The following DOCK9 variants were observed in gnomAD, a reference collection of about 807,000 sequenced individuals.
DOCK9 encodes the protein dedicator of cytokinesis 9, also known as dedicator of cytokinesis protein 9.
A neutral mutation model predicts 263.3 loss-of-function variants in DOCK9; 89 were observed. That is an observed-to-expected ratio of 0.34 (90% CI 0.28 to 0.40). The LOEUF is 0.40. Among genes scored for constraint, DOCK9 ranks in the 10% least tolerant of loss-of-function variants. The pLI is 1.00. For missense variants in DOCK9, 2,140 were observed against 2,603.4 expected (o/e 0.82, Z 3.87); for synonymous variants, 976 against 973.1 (o/e 1.00, Z -0.06).
At chr13:98,872,391 GTTTTGT>G (rs1277755338) in intron 27 of DOCK9, among the ~76,000 whole-genome samples, 5 of 146,844 alleles carry the variant, frequency 3.4e-5, no homozygotes, top group African/African-American at 7.5e-5. Context: ...CTACAACTTG[GTTTTGT>G]TTTTGTTTTT....
At chr13:98,853,616 A>T in intron 34 of DOCK9, 94 bp from the exon 35 acceptor site, 1 of 918,856 alleles carries the variant, frequency 1.1e-6, no homozygotes, top group South Asian at 1.5e-5. Flanking sequence ...CTTAGAATCA[A>T]GTCAGATCAT....
intron 1 of DOCK9, among the ~76,000 whole-genome samples, chr13:98,971,769 C>T (rs1397813654): frequency 6.6e-6 from 1 of 152,184 alleles, no homozygotes; most frequent in East Asian, 1.9e-4. Flanking sequence ...TCTCACCAGT[C>T]TATGCTCCTA....
chr13:98,897,736 TTATC>T (rs1259116816), intron 14 of DOCK9, 126 bp from the exon 15 acceptor site: 3 of 1,332,582 alleles, frequency 2.3e-6, no homozygotes, highest in African/African-American at 2.9e-5. Flanking sequence ...AGAAATCTCA[TTATC>T]TAAAAACATG....
chr13:98,883,228 A>ATGTTGT (rs368231464), intron 22 of DOCK9, 97 bp from the exon 23 acceptor site: 28,179 of 1,074,972 alleles, frequency 0.026, 732 homozygotes, highest in South Asian at 0.07. Flanking sequence ...TTTTTGCTGT[A>ATGTTGT]TGTTGTTGTT....
At chr13:98,912,340 A>G (rs1188440392) in intron 9 of DOCK9, among the ~76,000 whole-genome samples, 1 of 152,220 alleles carries the variant, frequency 6.6e-6, no homozygotes, top group Non-Finnish European at 1.5e-5. Context: ...AGGGCTGCTT[A>G]TATCAGTGTA....
chr13:98,846,453 T>C lies in DOCK9; in HGVS notation c.4062-393A>G, dbSNP rs898608431. 7 of 1,218,870 alleles carry C rather than the reference T, an allele frequency of 5.7e-6. No individual in the cohort carries two copies. In the Admixed American group the frequency reaches 9.6e-5, roughly 17 times the overall value. The allele number at this position is 1,218,870 out of a possible 1,614,324, so 75.5% of individuals were successfully genotyped here. ...GTATTTTTTTTAATTAAAAAATGCA[T>C]TGGAAGACACAGAGAACAAACATGC... On this transcript the variant is annotated intron_variant, in intron 37 of 52. Transcript: ENST00000682017.
intron 9 of DOCK9, among the ~76,000 whole-genome samples, chr13:98,905,850 T>A (rs2049010454): frequency 6.6e-6 from 1 of 151,390 alleles, no homozygotes; most frequent in Admixed American, 6.6e-5. Context: ...GGTAAGAGAA[T>A]AAAATGAGTT....
At chr13:98,886,112 T>C (rs573620810) in intron 19 of DOCK9, among the ~76,000 whole-genome samples, 238 of 152,320 alleles carry the variant, frequency 1.6e-3, no homozygotes, top group Non-Finnish European at 3.1e-3. Flanking sequence ...GCCAAGGCAT[T>C]ATGAAGAACC....
At chr13:99,051,232 T>C (rs1372626910) in intron 1 of DOCK9, among the ~76,000 whole-genome samples, 1 of 152,198 alleles carries the variant, frequency 6.6e-6, no homozygotes, top group Non-Finnish European at 1.5e-5. Context: ...GCCAGCTCAG[T>C]GCTTCCTTTG....
intron 20 of DOCK9, 138 bp downstream of exon 20, chr13:98,885,570 G>A (rs2045572552): frequency 5.7e-6 from 5 of 877,074 alleles, no homozygotes; most frequent in East Asian, 5.7e-5. Context: ...ATGCAACCCA[G>A]ACATGCTACA....
Position 98,794,590 on chromosome 13 carries a change from C to CA in DOCK9, c.*35dup. On this transcript the variant is annotated 3_prime_UTR_variant, in exon 53 of 53. Coordinates refer to ENST00000682017, the MANE Select transcript of DOCK9 (RefSeq NM_001366683.2). ...GAAAGCATCCTGAGTTTGCAAATGA[C>CA]AAAGCAAGTCCCCACACACGGGCCA... 2 of 1,552,582 alleles carry CA rather than the reference C, an allele frequency of 1.3e-6. No homozygotes were observed. Among genetic ancestry groups the CA allele is most frequent in the Middle Eastern group, 1.7e-4 (1 of 5,964 alleles).
intron 38 of DOCK9, among the ~76,000 whole-genome samples, chr13:98,839,764 TG>T (rs779145853): frequency 7.9e-5 from 12 of 152,268 alleles, no homozygotes; most frequent in Non-Finnish European, 1.6e-4. Context: ...GGCCATGTGC[TG>T]TTTTAAAACA....
rs999246236 is a variant in DOCK9, at chr13:98,793,520, G to A, written c.*1106C>T. The A allele has an allele frequency of 2.6e-5, 4 of 152,512 alleles. No homozygotes were observed. The highest frequency in any genetic ancestry group is 9.7e-5 in the African/African-American group (4 of 41,400). The allele number at this position is 152,512 out of a possible 1,614,324, so 9.4% of individuals were successfully genotyped here. A position where few individuals can be genotyped will look rare whatever the true frequency, so the allele number is the denominator to read the frequency against. On this transcript the variant is annotated 3_prime_UTR_variant, in exon 53 of 53. Transcript: ENST00000682017. Reference sequence around the variant, plus strand: ...GCAATGTCTTTTTAATACAGATGTGGTACAGAATGTTTAATTACAGCAGGG... The same window carrying A: ...GCAATGTCTTTTTAATACAGATGTGATACAGAATGTTTAATTACAGCAGGG...
chr13:98,999,848 C>T (rs1201986902), intron 1 of DOCK9, among the ~76,000 whole-genome samples: 1 of 152,094 alleles, frequency 6.6e-6, no homozygotes, highest in Non-Finnish European at 1.5e-5. Context: ...AACACAACAG[C>T]CCAGTCCAAA....
At chr13:98,897,186 GA>G (rs2139298038) in intron 15 of DOCK9, among the ~76,000 whole-genome samples, 1 of 152,288 alleles carries the variant, frequency 6.6e-6, no homozygotes, top group South Asian at 2.1e-4. Flanking sequence ...TGGCTTTGCT[GA>G]GTCCTTTCTC....
At chr13:98,999,289 C>CAA (rs1567189400) in intron 1 of DOCK9, among the ~76,000 whole-genome samples, 1 of 110,274 alleles carries the variant, frequency 9.1e-6, no homozygotes. Flanking sequence ...CGCATGCACG[C>CAA]GCACACACAC....
At chr13:98,854,368 T>C (rs1274650626) in intron 34 of DOCK9, among the ~76,000 whole-genome samples, 1 of 152,186 alleles carries the variant, frequency 6.6e-6, no homozygotes, top group Non-Finnish European at 1.5e-5. Flanking sequence ...AGATGTTTTA[T>C]TCAAGGTGCT....
intron 1 of DOCK9, among the ~76,000 whole-genome samples, chr13:99,070,438 A>T (rs999528033): frequency 6.6e-6 from 1 of 152,074 alleles, no homozygotes; most frequent in African/African-American, 2.4e-5. Context: ...GACCACACGC[A>T]TTTCTGCTTA....
chr13:98,800,790 T>C (rs188113480), intron 49 of DOCK9, among the ~76,000 whole-genome samples: 1 of 152,268 alleles, frequency 6.6e-6, no homozygotes, highest in Admixed American at 6.5e-5. Context: ...GAGGTTTGAA[T>C]GAGTTAGTGG....
Sources: allele counts gnomAD v4.1 joint callset (sites outside exome capture counted in the v4.1 genomes callset), GRCh38; gene constraint gnomAD v4.1.1; transcripts MANE v1.5; gene names NCBI Gene and HGNC (gene_info 2026-07-23, HGNC 2026-07-21).